RBBP4: variants seen among roughly 807,000 people sequenced by gnomAD.
RBBP4 encodes histone-binding protein RBBP4.
RBBP4 carries 3 observed loss-of-function variants against 57.2 expected under a neutral mutation model. The observed-to-expected ratio is 0.05, with a 90% CI of 0.02 to 0.14. The LOEUF (loss-of-function observed/expected upper bound fraction) is 0.14, where lower values mean the gene tolerates loss of function less well. RBBP4 is among the 10% of genes least tolerant of loss of function. The pLI is 1.00. For synonymous variants in RBBP4, 151 were observed against 171.5 expected (o/e 0.88, Z 0.93); for missense variants, 107 against 520.6 (o/e 0.21, Z 7.73).
At chr1:32,659,015 A>G (rs1354571375) in intron 3 of RBBP4, among the ~76,000 whole-genome samples, 1 of 147,462 alleles carries the variant, frequency 6.8e-6, no homozygotes, top group Non-Finnish European at 1.5e-5. Flanking sequence ...ATAGTTATAT[A>G]TAATTTTAGA....
chr1:32,681,575 G>C lies in RBBP4; in HGVS notation c.*1870G>C. ...GCATATGTGAGGGTTGTTGCTGGAA[G>C]ACAGGAGGCTCATCTTTCCTTTCCT... On this transcript the variant is annotated 3_prime_UTR_variant, in exon 12 of 12. Transcript: ENST00000373493. 1 of 562,404 alleles carries C rather than the reference G, an allele frequency of 1.8e-6. No individual in the cohort carries two copies. Among genetic ancestry groups the C allele is most frequent in the Admixed American group, 3.2e-5 (1 of 31,638 alleles). The allele number at this position is 562,404 out of a possible 1,614,324, so 34.8% of individuals were successfully genotyped here. A position where few individuals can be genotyped will look rare whatever the true frequency, so the allele number is the denominator to read the frequency against.
At chr1:32,652,923 C>G (rs1323957990) in intron 2 of RBBP4, among the ~76,000 whole-genome samples, 1 of 152,090 alleles carries the variant, frequency 6.6e-6, no homozygotes, top group Non-Finnish European at 1.5e-5. Context: ...GTTGAAGTGG[C>G]AGATATAAAC....
intron 3 of RBBP4, among the ~76,000 whole-genome samples, chr1:32,661,039 C>T (rs1301720223): frequency 1.3e-5 from 2 of 151,966 alleles, no homozygotes; most frequent in African/African-American, 4.8e-5. Flanking sequence ...TCTGAAAACT[C>T]CTGGGCTCTT....
intron 3 of RBBP4, among the ~76,000 whole-genome samples, chr1:32,659,902 T>C (rs550352142): frequency 6.6e-6 from 1 of 152,202 alleles, no homozygotes; most frequent in African/African-American, 2.4e-5. Flanking sequence ...AGAAATACTT[T>C]CTAAGTAGAA....
intron 3 of RBBP4, among the ~76,000 whole-genome samples, chr1:32,665,883 A>G (rs1648623790): frequency 6.6e-6 from 1 of 152,178 alleles, no homozygotes; most frequent in Admixed American, 6.6e-5. Context: ...GAACTTTTGC[A>G]ACCGTACCAT....
In RBBP4 at chr1:32,669,274, G is replaced by A; in HGVS notation, c.805G>A (p.Val269Ile). The A allele has an allele frequency of 6.2e-7, 1 of 1,612,806 alleles. No homozygotes were observed. The change falls in exon 7 of 12, where the codon GTT (valine) becomes ATT (isoleucine). Residue 269 changes from valine (V) to isoleucine (I), a missense_variant. Coordinates refer to ENST00000373493, the MANE Select transcript of RBBP4 (RefSeq NM_005610.3). The surrounding 1 kb of genome is among the most constrained non-coding windows in gnomAD (Gnocchi z 4.9). The part of the protein sequence containing the change: ...SNNTSKPSHS[V>I]DAHTAEVNCL... Reference sequence around the variant, plus strand: ...CAATACTTCCAAACCAAGCCACTCAGTTGATGCTCACACTGCTGAAGTGAA... The same window carrying A: ...CAATACTTCCAAACCAAGCCACTCAATTGATGCTCACACTGCTGAAGTGAA...
chr1:32,683,957 T>G lies in RBBP4; in HGVS notation c.*4252T>G, dbSNP rs150688433. 6.8e-4 allele frequency: 1,064 copies of G among 1,563,610 alleles called. 10 individuals carry two copies. The East Asian group carries it at 0.015, about 21-fold the overall frequency. Reference sequence around the variant, plus strand: ...CTGTTTTTAAGGCATTAATTAGTATTGTTAGGAAAGCAGTAACAATGCAAA... The same window carrying G: ...CTGTTTTTAAGGCATTAATTAGTATGGTTAGGAAAGCAGTAACAATGCAAA... On this transcript the variant is annotated 3_prime_UTR_variant, in exon 12 of 12. Coordinates refer to ENST00000373493, the MANE Select transcript of RBBP4 (RefSeq NM_005610.3).
chr1:32,655,375 C>T (rs762110426), intron 2 of RBBP4, among the ~76,000 whole-genome samples: 30 of 150,100 alleles, frequency 2.0e-4, no homozygotes, highest in Non-Finnish European at 4.1e-4. Flanking sequence ...TACCCAGATC[C>T]GTTTCCCCCC....
At position 32,659,030 on chromosome 1, in the gene RBBP4, A is replaced by G. The variant is rs982892391; in HGVS notation, c.310+1458A>G. ...ATAGTTATATATAATTTTAGATAAT[A>G]TAAATGTATTATATTTATATATAAA... On this transcript the variant is annotated intron_variant, in intron 3 of 11. Coordinates refer to ENST00000373493, the MANE Select transcript of RBBP4 (RefSeq NM_005610.3). Among the ~76,000 whole-genome samples the G allele has an allele frequency of 4.1e-5, 6 of 147,458 alleles. No homozygotes were observed. In the East Asian group the frequency reaches 1.2e-3, roughly 29 times the overall value.
intron 3 of RBBP4, among the ~76,000 whole-genome samples, chr1:32,659,164 T>C (rs1557852826): frequency 6.7e-6 from 1 of 148,892 alleles, no homozygotes; most frequent in African/African-American, 2.4e-5. Context: ...TATGTAATTT[T>C]ACACACACAC....
At chr1:32,667,920 GA>G (rs1434499545) in intron 3 of RBBP4, among the ~76,000 whole-genome samples, 22 of 152,122 alleles carry the variant, frequency 1.4e-4, no homozygotes, top group African/African-American at 5.3e-4. Flanking sequence ...TGATGAGGGG[GA>G]AATCTGTACA....
chr1:32,653,060 C>G (rs1017552725), intron 2 of RBBP4, among the ~76,000 whole-genome samples: 1 of 152,096 alleles, frequency 6.6e-6, no homozygotes, highest in African/African-American at 2.4e-5. Flanking sequence ...AAGATTAATC[C>G]TATGTTTCTT....
At chr1:32,655,097 T>G (rs1648075783) in intron 2 of RBBP4, among the ~76,000 whole-genome samples, 1 of 152,278 alleles carries the variant, frequency 6.6e-6, no homozygotes, top group African/African-American at 2.4e-5. Context: ...CAAGGAATCC[T>G]CCTGCCTCAG....
chr1:32,662,862 T>C (rs564604691), intron 3 of RBBP4, among the ~76,000 whole-genome samples: 99 of 152,000 alleles, frequency 6.5e-4, no homozygotes, highest in African/African-American at 2.3e-3. Flanking sequence ...TGTGTGCCTG[T>C]AGTCCCAGCT....
intron 3 of RBBP4, among the ~76,000 whole-genome samples, chr1:32,659,726 A>G (rs1570842138): frequency 1.3e-5 from 2 of 152,216 alleles, no homozygotes; most frequent in Non-Finnish European, 2.9e-5. Flanking sequence ...ATATAGGTTC[A>G]TAATTTGCTT....
rs1244498446 is a variant in RBBP4 at position 32,682,019 on chromosome 1, AATGGTG to A, written c.*2325_*2330del. 12 of 641,768 alleles carry A rather than the reference AATGGTG, an allele frequency of 1.9e-5. No homozygotes were observed. Among genetic ancestry groups the A allele is most frequent in the Non-Finnish European group, 2.8e-5 (10 of 361,314 alleles). 39.8% of individuals were successfully genotyped at this position (641,768 alleles called of 1,614,324 possible). A position where few individuals can be genotyped will look rare whatever the true frequency, so the allele number is the denominator to read the frequency against. On this transcript the variant is annotated 3_prime_UTR_variant, in exon 12 of 12. Transcript: ENST00000373493. ...TGCCTCCTGTTTGTCAAATAGAATG[AATGGTG>A]ATGGTGATGGGAGGGATAGTTAAAC...
chr1:32,678,685 G>A (rs1246295622), intron 11 of RBBP4, among the ~76,000 whole-genome samples: 4 of 129,692 alleles, frequency 3.1e-5, no homozygotes, highest in Non-Finnish European at 6.2e-5. Flanking sequence ...CACCTCCCAG[G>A]TTCAATCAAT....
At position 32,651,976 on chromosome 1, in the gene RBBP4, A is replaced by G; in HGVS notation, c.79A>G (p.Asn27Asp). The G allele has an allele frequency of 6.2e-7, 1 of 1,613,990 alleles. No individual in the cohort carries two copies. Among genetic ancestry groups the G allele is most frequent in the Non-Finnish European group, 8.5e-7 (1 of 1,179,850 alleles). Residue 27 changes from asparagine (N) to aspartate (D), a missense_variant, in exon 2 of 12, where the codon AAC becomes GAC. By Grantham distance (23) the Asn-to-Asp change is conservative. Around this residue, in one of 3 missense-constraint regions of RBBP4, gnomAD observed 92 missense variants for 408.5 expected, o/e 0.23. Coordinates refer to ENST00000373493, the MANE Select transcript of RBBP4 (RefSeq NM_005610.3). ...CGAGGAATACAAAATATGGAAAAAG[A>G]ACACCCCTTTTCTTTATGATTTGGT... ...INEEYKIWKK[N>D]TPFLYDLVMT... is the part of the protein sequence containing the mutation.
At chr1:32,677,016 C>A (rs1037268079) in intron 11 of RBBP4, among the ~76,000 whole-genome samples, 6 of 152,150 alleles carry the variant, frequency 3.9e-5, no homozygotes, top group Admixed American at 6.5e-5. Flanking sequence ...CAAGTTGTTA[C>A]TTTATTTGGT....
Sources: allele counts gnomAD v4.1 joint callset (sites outside exome capture counted in the v4.1 genomes callset), GRCh38; gene constraint gnomAD v4.1.1; regional missense constraint gnomAD v4.1.1; non-coding constraint Gnocchi (gnomAD v3.1); transcripts MANE v1.5; gene names NCBI Gene and HGNC (gene_info 2026-07-23, HGNC 2026-07-21).